ROBO1: variants seen among roughly 807,000 people sequenced by gnomAD.
The protein encoded by ROBO1 is roundabout guidance receptor 1, also known as roundabout homolog 1.
In ROBO1, 149 loss-of-function variants were observed where a neutral mutation model predicts 195.9. The observed-to-expected ratio is 0.76, with a 90% CI of 0.67 to 0.87. The LOEUF (loss-of-function observed/expected upper bound fraction) is 0.87. Among genes scored for constraint, ROBO1 ranks in the 40% least tolerant of loss-of-function variants. ROBO1 has a pLI of 0.00. For missense variants in ROBO1, 1,933 were observed against 2,068.3 expected, an observed-to-expected ratio of 0.93 and a Z score of 1.27; for synonymous variants, 816 against 733.2, an observed-to-expected ratio of 1.11 and a Z score of -1.82.
At chr3:78,986,574 T>C (rs2108024507) in intron 3 of ROBO1, among the ~76,000 whole-genome samples, 1 of 152,214 alleles carries the variant, frequency 6.6e-6, no homozygotes, top group African/African-American at 2.4e-5. Flanking sequence ...TACTTGCCCT[T>C]ATTGAACGAA....
At chr3:79,511,235 G>T (rs1313490721) in intron 2 of ROBO1, among the ~76,000 whole-genome samples, 2 of 152,210 alleles carry the variant, frequency 1.3e-5, no homozygotes, top group Middle Eastern at 3.4e-3. Flanking sequence ...CTAGTGTGCT[G>T]CTCACTTAGA....
intron 3 of ROBO1, among the ~76,000 whole-genome samples, chr3:78,963,663 C>T (rs112833384): frequency 0.031 from 4,692 of 151,500 alleles, 101 homozygotes; most frequent in Non-Finnish European, 0.049. Context: ...GGACTTCAGG[C>T]GCCGCCACCA....
intron 1 of ROBO1, among the ~76,000 whole-genome samples, chr3:79,763,446 G>C (rs1305337571): frequency 1.3e-5 from 2 of 152,090 alleles, no homozygotes; most frequent in Non-Finnish European, 2.9e-5. Flanking sequence ...AACAGCAATA[G>C]GGTTGGAATA....
intron 3 of ROBO1, among the ~76,000 whole-genome samples, chr3:79,060,079 G>C (rs1263635081): frequency 6.6e-6 from 1 of 152,002 alleles, no homozygotes; most frequent in Non-Finnish European, 1.5e-5. Flanking sequence ...GTCGCTCTGA[G>C]AGTGTCTGTC....
chr3:79,218,006 G>A (rs1425560600), intron 2 of ROBO1, among the ~76,000 whole-genome samples: 1 of 151,716 alleles, frequency 6.6e-6, no homozygotes. Flanking sequence ...AAAAATGGAA[G>A]ATGGGAAATA....
intron 2 of ROBO1, among the ~76,000 whole-genome samples, chr3:79,153,218 G>C (rs1013177949): frequency 6.6e-6 from 1 of 151,692 alleles, no homozygotes; most frequent in African/African-American, 2.4e-5. Flanking sequence ...CTTCCACGTA[G>C]AAGAACCATG....
intron 4 of ROBO1, among the ~76,000 whole-genome samples, chr3:78,889,347 C>G (rs1348606847): frequency 1.3e-5 from 2 of 152,136 alleles, no homozygotes; most frequent in African/African-American, 4.8e-5. Context: ...TCCTTCTTTT[C>G]AAATTAAATT....
At chr3:78,817,437 C>G (rs2030189405) in intron 4 of ROBO1, among the ~76,000 whole-genome samples, 1 of 152,004 alleles carries the variant, frequency 6.6e-6, no homozygotes, top group African/African-American at 2.4e-5. Flanking sequence ...AAAAATTCAT[C>G]TGACTCACTT....
chr3:79,305,610 C>T (rs1366758184), intron 2 of ROBO1, among the ~76,000 whole-genome samples: 2 of 151,320 alleles, frequency 1.3e-5, no homozygotes, highest in East Asian at 3.9e-4. Context: ...TGCATTATTG[C>T]TTTAAAATTC....
intron 4 of ROBO1, among the ~76,000 whole-genome samples, chr3:78,760,669 T>C (rs1259723494): frequency 1.3e-5 from 2 of 152,164 alleles, no homozygotes; most frequent in Non-Finnish European, 2.9e-5. Flanking sequence ...TGAGTCAGGG[T>C]CTTGCTCTGT....
intron 5 of ROBO1, among the ~76,000 whole-genome samples, chr3:78,718,221 G>A (rs576876831): frequency 2.6e-5 from 4 of 152,166 alleles, no homozygotes; most frequent in African/African-American, 9.6e-5. Flanking sequence ...AATTTAGTTA[G>A]CAAGAGGAAA....
intron 2 of ROBO1, among the ~76,000 whole-genome samples, chr3:79,275,988 T>C (rs868174080): frequency 5.3e-5 from 8 of 151,880 alleles, no homozygotes; most frequent in African/African-American, 1.9e-4. Flanking sequence ...GACACAAAAA[T>C]GGAAAGCTAT....
intron 3 of ROBO1, among the ~76,000 whole-genome samples, chr3:78,964,475 C>A (rs1003161912): frequency 9.9e-5 from 15 of 152,070 alleles, no homozygotes; most frequent in African/African-American, 3.1e-4. Flanking sequence ...CAAACTTTTG[C>A]CAAACTGTAG....
chr3:79,693,707 G>T (rs924808455), intron 1 of ROBO1, among the ~76,000 whole-genome samples: 1 of 151,518 alleles, frequency 6.6e-6, no homozygotes, highest in Non-Finnish European at 1.5e-5. Flanking sequence ...CAAAGCACTG[G>T]GATTATAGGT....
chr3:79,709,572 T>A (rs891240221), intron 1 of ROBO1, among the ~76,000 whole-genome samples: 2 of 152,150 alleles, frequency 1.3e-5, no homozygotes, highest in African/African-American at 4.8e-5. Context: ...ATAATAAATA[T>A]ACATATCTGA....
chr3:79,117,889 A>G, intron 3 of ROBO1, among the ~76,000 whole-genome samples: 1 of 152,344 alleles, frequency 6.6e-6, no homozygotes, highest in East Asian at 1.9e-4. Context: ...TCTAAGAATT[A>G]GAGATTAGGA....
chr3:78,790,568 T>C (rs1201808291), intron 4 of ROBO1, among the ~76,000 whole-genome samples: 1 of 152,212 alleles, frequency 6.6e-6, no homozygotes, highest in African/African-American at 2.4e-5. Flanking sequence ...TTACTCATGC[T>C]TACTAACAAT....
intron 1 of ROBO1, among the ~76,000 whole-genome samples, chr3:79,763,787 T>A (rs1704837202): frequency 6.6e-6 from 1 of 152,188 alleles, no homozygotes; most frequent in South Asian, 2.1e-4. Context: ...GGAAAGTAAC[T>A]GTAAAAGTTT....
At chr3:78,977,612 T>A (rs114248942) in intron 3 of ROBO1, among the ~76,000 whole-genome samples, 5,797 of 149,746 alleles carry the variant, frequency 0.039, 208 homozygotes, top group African/African-American at 0.087. Flanking sequence ...ATATATATTT[T>A]AAAAAAAAAG....
Sources: allele counts gnomAD v4.1 joint callset (sites outside exome capture counted in the v4.1 genomes callset), GRCh38; gene constraint gnomAD v4.1.1; transcripts MANE v1.5; gene names NCBI Gene and HGNC (gene_info 2026-07-23, HGNC 2026-07-21).